The following ERC1 variants were observed in gnomAD, a reference collection of about 807,000 sequenced individuals.
The protein encoded by ERC1 is ELKS/RAB6-interacting/CAST family member 1.
In ERC1, 56 loss-of-function variants were observed where a neutral mutation model predicts 132.0. That is an observed-to-expected ratio of 0.42 (90% CI 0.34 to 0.53). ERC1 has a LOEUF of 0.53. ERC1 is among the 20% of genes least tolerant of loss of function. The pLI, the probability that ERC1 is intolerant of heterozygous loss-of-function variation, is 0.03. For synonymous variants in ERC1, 478 were observed against 476.1 expected (o/e 1.00, Z -0.05); for missense variants, 1,202 against 1,349.9 (o/e 0.89, Z 1.72).
intron 8 of ERC1, among the ~76,000 whole-genome samples, chr12:1,147,660 T>G (rs1019714717): frequency 3.3e-5 from 5 of 152,226 alleles, no homozygotes; most frequent in African/African-American, 1.2e-4. Flanking sequence ...AACTTTTCTT[T>G]AAGTGTAGGA....
intron 17 of ERC1, chr12:1,430,930 G>A (rs2092778183): frequency 6.6e-6 from 1 of 152,208 alleles, no homozygotes; most frequent in South Asian, 2.1e-4. Context: ...GAGTTTATAA[G>A]TGAGAATATG....
intron 12 of ERC1, among the ~76,000 whole-genome samples, chr12:1,196,589 C>T (rs1956259256): frequency 6.6e-6 from 1 of 150,932 alleles, no homozygotes; most frequent in Admixed American, 6.6e-5. Flanking sequence ...GACCTCCCAG[C>T]CTCAAGCGAT....
chr12:1,103,982 TC>T (rs532821857), intron 3 of ERC1, among the ~76,000 whole-genome samples: 24 of 142,740 alleles, frequency 1.7e-4, no homozygotes, highest in African/African-American at 5.8e-4. Flanking sequence ...CAAGAGCCTG[TC>T]CCCAGGGTAC....
intron 15 of ERC1, among the ~76,000 whole-genome samples, chr12:1,345,415 T>G (rs1398510196): frequency 6.6e-6 from 1 of 152,004 alleles, no homozygotes; most frequent in Admixed American, 6.6e-5. Context: ...AATCTCCTGA[T>G]CTCGTGATCT....
chr12:1,408,068 G>A (rs1001785), intron 16 of ERC1, 81 bp from the exon 17 acceptor site: 41,252 of 915,124 alleles, frequency 0.045, 1,348 homozygotes, highest in African/African-American at 0.12. Flanking sequence ...CTTTCTTATG[G>A]AACTCTTAAA....
At chr12:998,561 AC>A (rs570132541) in intron 1 of ERC1, 18 of 152,282 alleles carry the variant, frequency 1.2e-4, no homozygotes, top group African/African-American at 3.8e-4. Context: ...TCAAAAGAGG[AC>A]AGATATTAGC....
rs372397270 is a variant in ERC1, at chr12:1,450,720, G to A, written c.3213+5970G>A. 3.9e-4 allele frequency among the ~76,000 whole-genome samples: 60 copies of A among 152,262 alleles called. 2 individuals carry two copies. Among genetic ancestry groups the A allele is most frequent in the Admixed American group, 1.2e-3 (19 of 15,296 alleles). Reference sequence around the variant, plus strand: ...ATTTTCAATTTTTTGAGGAACCACCGTACTGTTTTCCACAGCGGCTGTACC... The same window carrying A: ...ATTTTCAATTTTTTGAGGAACCACCATACTGTTTTCCACAGCGGCTGTACC... On this transcript the variant is annotated intron_variant, in intron 18 of 18. Transcript: ENST00000360905.
intron 2 of ERC1, among the ~76,000 whole-genome samples, chr12:1,046,037 C>A (rs763927934): frequency 8.6e-5 from 13 of 151,990 alleles, no homozygotes; most frequent in Non-Finnish European, 1.3e-4. Context: ...AGTAATGATT[C>A]CCAGACTTGC....
At chr12:1,324,631 T>G (rs1171850604) in intron 15 of ERC1, among the ~76,000 whole-genome samples, 1 of 152,218 alleles carries the variant, frequency 6.6e-6, no homozygotes, top group Admixed American at 6.5e-5. Context: ...CCATTAAAAT[T>G]ATTATCCAAT....
rs2094330506 is a variant in ERC1, at chr12:1,493,043, A to T, written c.*2813A>T. On this transcript the variant is annotated 3_prime_UTR_variant, in exon 19 of 19. Transcript: ENST00000360905. ...AAGATCTGCACCCCAAACCAATGTC[A>T]CCATAAAGAGGGCACGAAGAAGAGT... 1.8e-5 allele frequency: 4 copies of T among 224,084 alleles called. No homozygotes were observed. The Admixed American group carries it at 2.3e-4, about 13-fold the overall frequency. 13.9% of individuals were successfully genotyped at this position (224,084 alleles called of 1,614,324 possible). A position where few individuals can be genotyped will look rare whatever the true frequency, so the allele number is the denominator to read the frequency against.
intron 17 of ERC1, among the ~76,000 whole-genome samples, chr12:1,419,093 C>G (rs1175986733): frequency 6.6e-6 from 1 of 152,064 alleles, no homozygotes; most frequent in Non-Finnish European, 1.5e-5. Flanking sequence ...TTGCTAGTCT[C>G]TGTTATAGGG....
At chr12:1,207,323 T>C (rs1957435137) in intron 12 of ERC1, among the ~76,000 whole-genome samples, 2 of 152,176 alleles carry the variant, frequency 1.3e-5, no homozygotes, top group South Asian at 4.1e-4. Flanking sequence ...TAAAGCTTTT[T>C]TTTATAGGCC....
chr12:1,029,294 G>C (rs960451148), intron 2 of ERC1, among the ~76,000 whole-genome samples: 1 of 152,136 alleles, frequency 6.6e-6, no homozygotes, highest in Non-Finnish European at 1.5e-5. Context: ...GGAGGTTGCA[G>C]TGAGCTGAGA....
At chr12:1,389,705 T>G (rs1175072858) in intron 16 of ERC1, among the ~76,000 whole-genome samples, 1 of 152,250 alleles carries the variant, frequency 6.6e-6, no homozygotes, top group Non-Finnish European at 1.5e-5. Flanking sequence ...AATAAAGCTC[T>G]GTTCCTGGAA....
intron 2 of ERC1, among the ~76,000 whole-genome samples, chr12:1,082,902 G>C (rs899735665): frequency 6.6e-6 from 1 of 152,186 alleles, no homozygotes; most frequent in African/African-American, 2.4e-5. Context: ...ATTTTGAACA[G>C]TGTCTTTATT....
intron 15 of ERC1, among the ~76,000 whole-genome samples, chr12:1,303,954 A>AG (rs2080624918): frequency 8.0e-6 from 1 of 125,034 alleles, no homozygotes; most frequent in African/African-American, 3.6e-5. Context: ...ACTCCATCTC[A>AG]GAAAAAAAAA....
intron 4 of ERC1, among the ~76,000 whole-genome samples, chr12:1,105,511 C>G (rs1179605966): frequency 6.6e-6 from 1 of 152,126 alleles, no homozygotes; most frequent in East Asian, 1.9e-4. Context: ...GCGCCTGCCA[C>G]CACGCCCAGC....
intron 18 of ERC1, among the ~76,000 whole-genome samples, chr12:1,452,566 A>G (rs147979806): frequency 1.3e-5 from 2 of 152,228 alleles, no homozygotes; most frequent in African/African-American, 4.8e-5. Flanking sequence ...AACTACCATT[A>G]TGTATTTGTT....
Position 1,408,201 on chromosome 12 carries a change from A to G in ERC1, c.2978A>G (p.Lys993Arg). The stretch of plus-strand genomic sequence containing the variant: ...GACAACTACGAGGATGACCACTTCA[A>G]ATCCTCCCATTCCAATCAAACAAAT... ...MADNYEDDHF[K>R]SSHSNQTNHK... The change falls in exon 17 of 19, where the codon AAA becomes AGA. Residue 993 changes from lysine (K) to arginine (R), a missense_variant. Coordinates refer to ENST00000360905, the MANE Select transcript of ERC1 (RefSeq NM_178040.4). The G allele has an allele frequency of 6.2e-7, 1 of 1,614,064 alleles. No individual in the cohort carries two copies. Among genetic ancestry groups the G allele is most frequent in the African/African-American group, 1.3e-5 (1 of 75,046 alleles).
Sources: allele counts gnomAD v4.1 joint callset (sites outside exome capture counted in the v4.1 genomes callset), GRCh38; gene constraint gnomAD v4.1.1; transcripts MANE v1.5; gene names NCBI Gene and HGNC (gene_info 2026-07-23, HGNC 2026-07-21).